Variants in SLC44A5 observed in about 807,000 individuals in gnomAD.
The protein encoded by SLC44A5 is solute carrier family 44 member 5.
SLC44A5 carries 57 observed loss-of-function variants against 101.8 expected under a neutral mutation model. The ratio of observed to expected loss-of-function variants is 0.56; its 90% CI spans 0.45 to 0.70. The LOEUF is 0.70. SLC44A5 is among the 30% of genes least tolerant of loss of function. The probability of loss-of-function intolerance (pLI) is 0.00; values close to 1 mark genes in which losing one functional copy is unlikely to be tolerated. For synonymous variants in SLC44A5, 281 were observed against 290.9 expected (o/e 0.97, Z 0.35); for missense variants, 737 against 853.1 (o/e 0.86, Z 1.70).
At chr1:75,362,795 C>A (rs913377749) in intron 3 of SLC44A5, among the ~76,000 whole-genome samples, 6 of 152,000 alleles carry the variant, frequency 3.9e-5, no homozygotes, top group African/African-American at 1.4e-4. Context: ...GTTCTTTAGA[C>A]ATGTTAGGTC....
chr1:75,309,829 T>G (rs575581881), intron 4 of SLC44A5, among the ~76,000 whole-genome samples: 1 of 152,354 alleles, frequency 6.6e-6, no homozygotes, highest in South Asian at 2.1e-4. Flanking sequence ...GTATCTCTCC[T>G]GTTCTCAAAG....
chr1:75,669,239 C>G, the SLC44A5 span, among the ~76,000 whole-genome samples: 39 of 147,712 alleles, frequency 2.6e-4, no homozygotes, highest in South Asian at 8.1e-3. Context: ...TAAATCTCAT[C>G]TCTGCTGATG....
At chr1:75,598,320 T>C (rs1674772894) in intron 1 of SLC44A5, among the ~76,000 whole-genome samples, 4 of 151,796 alleles carry the variant, frequency 2.6e-5, no homozygotes, top group Admixed American at 2.6e-4. Context: ...TTACACACCA[T>C]TGGTAGGAGT....
chr1:75,230,995 A>G (rs1373627403), intron 12 of SLC44A5, among the ~76,000 whole-genome samples: 1 of 152,206 alleles, frequency 6.6e-6, no homozygotes, highest in Admixed American at 6.5e-5. Context: ...ACTGATTTTC[A>G]CACAGAACTG....
At chr1:75,684,881 A>G in the SLC44A5 span, among the ~76,000 whole-genome samples, 1 of 152,034 alleles carries the variant, frequency 6.6e-6, no homozygotes, top group African/African-American at 2.4e-5. Context: ...CCCAGTGGGG[A>G]TTCTGTGTGG....
At chr1:75,585,710 T>C (rs939347226) in intron 1 of SLC44A5, among the ~76,000 whole-genome samples, 9 of 152,210 alleles carry the variant, frequency 5.9e-5, no homozygotes, top group African/African-American at 2.2e-4. Flanking sequence ...CCTTCTTTTT[T>C]AACACCATTT....
At chr1:75,532,366 G>A (rs951673010) in intron 2 of SLC44A5, among the ~76,000 whole-genome samples, 2 of 152,198 alleles carry the variant, frequency 1.3e-5, no homozygotes. Context: ...TATAAAATGA[G>A]GGCAATAATA....
intron 3 of SLC44A5, among the ~76,000 whole-genome samples, chr1:75,348,501 G>A (rs1249844): frequency 0.95 from 144,084 of 152,238 alleles, 68,753 homozygotes; most frequent in East Asian, 1. Flanking sequence ...GGCACTAAGC[G>A]AAAAGATGAG....
At chr1:75,291,016 A>G (rs1398974817) in intron 5 of SLC44A5, among the ~76,000 whole-genome samples, 2 of 152,224 alleles carry the variant, frequency 1.3e-5, no homozygotes, top group Non-Finnish European at 2.9e-5. Flanking sequence ...AGGTTTGCAG[A>G]AAATAGACAC....
chr1:75,488,906 T>C (rs1480606410), intron 2 of SLC44A5, among the ~76,000 whole-genome samples: 1 of 152,224 alleles, frequency 6.6e-6, no homozygotes, highest in Non-Finnish European at 1.5e-5. Context: ...TGGAGTGCAA[T>C]GGCGTGATCT....
intron 2 of SLC44A5, among the ~76,000 whole-genome samples, chr1:75,471,296 G>A (rs1667095032): frequency 6.6e-6 from 1 of 151,900 alleles, no homozygotes; most frequent in Non-Finnish European, 1.5e-5. Context: ...CTGCGAGATG[G>A]ATTGCTGTTT....
At chr1:75,225,364 A>T (rs181163029) in intron 13 of SLC44A5, among the ~76,000 whole-genome samples, 41 of 152,268 alleles carry the variant, frequency 2.7e-4, no homozygotes, top group African/African-American at 9.4e-4. Flanking sequence ...ACAATGAAAA[A>T]ATTGCCTAAC....
At chr1:75,467,089 C>A (rs1666862907) in intron 2 of SLC44A5, among the ~76,000 whole-genome samples, 7 of 151,674 alleles carry the variant, frequency 4.6e-5, no homozygotes, top group Admixed American at 2.6e-4. Flanking sequence ...TGTACAATAG[C>A]CACAAATTAA....
intron 4 of SLC44A5, among the ~76,000 whole-genome samples, chr1:75,309,461 A>G (rs550840898): frequency 6.6e-6 from 1 of 152,362 alleles, no homozygotes; most frequent in South Asian, 2.1e-4. Flanking sequence ...TTTAAAAATA[A>G]TAAAAAGGAA....
At chr1:75,699,476 C>A in the SLC44A5 span, among the ~76,000 whole-genome samples, 3 of 151,838 alleles carry the variant, frequency 2.0e-5, no homozygotes, top group Non-Finnish European at 4.4e-5. Flanking sequence ...ACCACCCGGC[C>A]TGCCCTAAAA....
At chr1:75,608,984 G>A (rs1394778643) in intron 1 of SLC44A5, among the ~76,000 whole-genome samples, 1 of 151,632 alleles carries the variant, frequency 6.6e-6, no homozygotes, top group Non-Finnish European at 1.5e-5. Context: ...CCTATGTATA[G>A]TGTAAACCTC....
chr1:75,520,532 T>A (rs1416543660), intron 2 of SLC44A5, among the ~76,000 whole-genome samples: 2 of 151,092 alleles, frequency 1.3e-5, no homozygotes, highest in Non-Finnish European at 2.9e-5. Flanking sequence ...TAGATATAGA[T>A]GAAAGAATAG....
chr1:75,354,699 C>T (rs1464775977), intron 3 of SLC44A5, among the ~76,000 whole-genome samples: 1 of 152,186 alleles, frequency 6.6e-6, no homozygotes, highest in Non-Finnish European at 1.5e-5. Context: ...CACAGAAAAG[C>T]TTACAAAAAT....
the SLC44A5 span, among the ~76,000 whole-genome samples, chr1:75,674,457 G>A: frequency 1.3e-5 from 2 of 152,002 alleles, no homozygotes; most frequent in South Asian, 4.1e-4. Context: ...TCAGCTCACT[G>A]CAACCTATGC....
Sources: allele counts gnomAD v4.1 joint callset (sites outside exome capture counted in the v4.1 genomes callset), GRCh38; gene constraint gnomAD v4.1.1; transcripts MANE v1.5; gene names NCBI Gene and HGNC (gene_info 2026-07-23, HGNC 2026-07-21).